CFAP161: variants seen among roughly 807,000 people sequenced by gnomAD.
CFAP161 encodes the protein cilia- and flagella-associated protein 161.
Under a neutral mutation model 29.0 loss-of-function variants are expected in CFAP161, and 25 were observed. The ratio of observed to expected loss-of-function variants is 0.86; its 90% confidence interval spans 0.63 to 1.20. CFAP161 has a LOEUF of 1.20. CFAP161 is among the 50% of genes most tolerant of loss of function. The pLI is 0.00. For missense variants in CFAP161, 367 were observed against 371.9 expected (o/e 0.99, Z 0.11); for synonymous variants, 116 against 137.4 (o/e 0.84, Z 1.09).
At chr15:81,143,035 G>A (rs924660269) in intron 4 of CFAP161, among the ~76,000 whole-genome samples, 1 of 152,166 alleles carries the variant, frequency 6.6e-6, no homozygotes, top group African/African-American at 2.4e-5. Context: ...GTCCATGGCT[G>A]GGCATGGTCG....
intron 1 of CFAP161, among the ~76,000 whole-genome samples, chr15:81,118,551 G>T (rs1394562770): frequency 6.6e-6 from 1 of 152,218 alleles, no homozygotes; most frequent in Non-Finnish European, 1.5e-5. Flanking sequence ...CGCCTGCAGC[G>T]CCACCTGGCC....
intron 1 of CFAP161, among the ~76,000 whole-genome samples, chr15:81,101,284 T>A (rs752832657): frequency 3.3e-5 from 5 of 151,264 alleles, no homozygotes; most frequent in Non-Finnish European, 7.4e-5. Flanking sequence ...CCCAGCACTT[T>A]GGGAGGCTGA....
In CFAP161 at chr15:81,144,136, G is replaced by A. The variant is rs544746573; in HGVS notation, c.636+316G>A. On this transcript the variant is annotated intron_variant, in intron 5 of 6. Coordinates refer to ENST00000286732, the MANE Select transcript of CFAP161 (RefSeq NM_173528.4). Reference sequence around the variant, plus strand: ...CCCCATGGCAGCATCCTGCACTAGAGTTTCTCACCTCTGGCTGCACGTTAG... The same window carrying A: ...CCCCATGGCAGCATCCTGCACTAGAATTTCTCACCTCTGGCTGCACGTTAG... Among the ~76,000 whole-genome samples, 4 of 152,298 alleles carry A rather than the reference G, an allele frequency of 2.6e-5. No individual in the cohort carries two copies. In the East Asian group the frequency reaches 7.7e-4, roughly 29 times the overall value.
chr15:81,148,584 C>T lies in CFAP161; in HGVS notation c.*51C>T. On this transcript the variant is annotated 3_prime_UTR_variant, in exon 7 of 7. Coordinates refer to ENST00000286732, the MANE Select transcript of CFAP161 (RefSeq NM_173528.4). ...CTGGTCCCGCTCTCATCAAATGTAG[C>T]TTTAAAAGAAATTAACAACCTTGGT... is the stretch of plus-strand genomic sequence containing the variant. 6.6e-7 allele frequency: 1 copy of T among 1,526,366 alleles called. No individual in the cohort carries two copies. Among genetic ancestry groups the T allele is most frequent in the Non-Finnish European group, 8.9e-7 (1 of 1,124,216 alleles). The allele number at this position is 1,526,366 out of a possible 1,614,324, so 94.6% of individuals were successfully genotyped here.
chr15:81,117,287 T>C (rs1463404339), intron 1 of CFAP161, among the ~76,000 whole-genome samples: 1 of 152,150 alleles, frequency 6.6e-6, no homozygotes, highest in African/African-American at 2.4e-5. Flanking sequence ...TTTTTTGTTG[T>C]ACAGAAAGTA....
At chr15:81,126,692 A>T (rs922936842) in intron 1 of CFAP161, among the ~76,000 whole-genome samples, 17 of 152,152 alleles carry the variant, frequency 1.1e-4, no homozygotes, top group African/African-American at 4.1e-4. Flanking sequence ...TTTTCACTTT[A>T]GATTATTAAT....
Position 81,148,623 on chromosome 15 carries a change from A to T in CFAP161, c.*90A>T. The T allele has an allele frequency of 7.7e-7, 1 of 1,290,340 alleles. No homozygotes were observed. The highest frequency in any genetic ancestry group is 1.1e-6 in the Non-Finnish European group (1 of 942,292). The allele number at this position is 1,290,340 out of a possible 1,614,324, so 79.9% of individuals were successfully genotyped here. A position where few individuals can be genotyped will look rare whatever the true frequency, so the allele number is the denominator to read the frequency against. ...AACAACCTTGGTCATGCCTCAAGCT[A>T]TTTTTGAATCAGATGTGGGACTCTC... is the stretch of plus-strand genomic sequence containing the variant. On this transcript the variant is annotated 3_prime_UTR_variant, in exon 7 of 7. Transcript: ENST00000286732.
Position 81,125,860 on chromosome 15 carries a change from G to GTTTGTT in CFAP161, c.-141-1707_-141-1702dup, listed in dbSNP as rs532050174. ...AGTATAACAACTCATTGTTTTTTTT[G>GTTTGTT]TTTGTTTTTGTTTTTGTTTTTGTTT... On this transcript the variant is annotated intron_variant, in intron 1 of 4. Coordinates refer to the CFAP161 transcript ENST00000560091. Among the ~76,000 whole-genome samples, 393 of 151,810 alleles carry GTTTGTT rather than the reference G, an allele frequency of 2.6e-3. 1 individual carries two copies. The highest frequency in any genetic ancestry group is 8.8e-3 in the African/African-American group (365 of 41,376).
chr15:81,121,563 A>C (rs1441180819), intron 1 of CFAP161, among the ~76,000 whole-genome samples: 1 of 151,996 alleles, frequency 6.6e-6, no homozygotes, highest in Admixed American at 6.6e-5. Flanking sequence ...ATATATATAT[A>C]TTAATTAGAA....
intron 1 of CFAP161, chr15:81,117,651 T>G (rs1483312131): frequency 7.5e-6 from 2 of 268,110 alleles, no homozygotes; most frequent in Non-Finnish European, 1.5e-5. Context: ...ATCTTCTTCA[T>G]CATCTGTTTC....
chr15:81,141,743 G>C (rs911682049), intron 4 of CFAP161, among the ~76,000 whole-genome samples: 2 of 151,842 alleles, frequency 1.3e-5, no homozygotes, highest in Non-Finnish European at 1.5e-5. Context: ...GGAGGGCAGT[G>C]GTGTGATCTC....
chr15:81,132,052 C>T (rs1049897664), upstream of CFAP161, among the ~76,000 whole-genome samples: 3 of 151,986 alleles, frequency 2.0e-5, no homozygotes, highest in South Asian at 2.1e-4. Context: ...TGAGGAGGGC[C>T]GATCACTTGA....
intron 1 of CFAP161, among the ~76,000 whole-genome samples, chr15:81,126,197 A>G (rs1939668331): frequency 6.6e-6 from 1 of 152,224 alleles, no homozygotes; most frequent in Non-Finnish European, 1.5e-5. Flanking sequence ...AGAAAGTGAG[A>G]TCCAAATTAT....
intron 1 of CFAP161, among the ~76,000 whole-genome samples, chr15:81,106,225 A>G (rs1894370915): frequency 1.3e-5 from 2 of 152,244 alleles, no homozygotes; most frequent in Non-Finnish European, 2.9e-5. Flanking sequence ...CAAGGGCAAG[A>G]AAGACATAGT....
chr15:81,125,963 G>A (rs1894636114), intron 1 of CFAP161, among the ~76,000 whole-genome samples: 1 of 152,052 alleles, frequency 6.6e-6, no homozygotes, highest in Non-Finnish European at 1.5e-5. Flanking sequence ...TCCGTCTCCC[G>A]GGTTCAAGTG....
chr15:81,112,686 G>C (rs1894453011), intron 1 of CFAP161, among the ~76,000 whole-genome samples: 1 of 152,020 alleles, frequency 6.6e-6, no homozygotes, highest in Non-Finnish European at 1.5e-5. Context: ...GTTTACAAGT[G>C]CTTATTACAT....
chr15:81,135,740 C>T (rs552235412), intron 2 of CFAP161, among the ~76,000 whole-genome samples: 3 of 152,160 alleles, frequency 2.0e-5, no homozygotes, highest in South Asian at 4.2e-4. Flanking sequence ...TGTATATGTG[C>T]CACATTTTCT....
chr15:81,136,803 G>A (rs1370406664), intron 3 of CFAP161, 55 bp downstream of exon 3: 1 of 1,470,190 alleles, frequency 6.8e-7, no homozygotes, highest in Non-Finnish European at 9.4e-7. Flanking sequence ...TTCACTTGTA[G>A]CTTAAAGATT....
intron 5 of CFAP161, among the ~76,000 whole-genome samples, chr15:81,144,198 G>A (rs773911460): frequency 2.0e-5 from 3 of 152,202 alleles, no homozygotes; most frequent in Non-Finnish European, 4.4e-5. Flanking sequence ...CTCAGGCCCT[G>A]CCCCTGTCAT....
Sources: allele counts gnomAD v4.1 joint callset (sites outside exome capture counted in the v4.1 genomes callset), GRCh38; gene constraint gnomAD v4.1.1; transcripts MANE v1.5; gene names NCBI Gene and HGNC (gene_info 2026-07-23, HGNC 2026-07-21).